Variants in DPP6 observed in about 807,000 individuals in gnomAD.
The protein encoded by DPP6 is dipeptidyl peptidase like 6.
Under a neutral mutation model 122.6 loss-of-function variants are expected in DPP6, and 69 were observed. That is an observed-to-expected ratio of 0.56 (90% CI 0.46 to 0.69). The LOEUF (loss-of-function observed/expected upper bound fraction) is 0.69. DPP6 is among the 30% of genes least tolerant of loss of function. The pLI, the probability that DPP6 is intolerant of heterozygous loss-of-function variation, is 0.00. For missense variants in DPP6, 928 were observed against 1,116.9 expected (o/e 0.83, Z 2.41); for synonymous variants, 418 against 433.1 (o/e 0.97, Z 0.43).
chr7:153,931,577 CTATT>C (rs1801171467), intron 1 of DPP6, among the ~76,000 whole-genome samples: 1 of 148,156 alleles, frequency 6.7e-6, no homozygotes, highest in Non-Finnish European at 1.5e-5. Context: ...GGGAAAAAAA[CTATT>C]TAAATTCATT....
At chr7:154,189,004 AC>A (rs1798486486) in intron 1 of DPP6, among the ~76,000 whole-genome samples, 1 of 152,220 alleles carries the variant, frequency 6.6e-6, no homozygotes. Flanking sequence ...AGGGAGAGAA[AC>A]AATAGCCTGG....
At chr7:153,960,213 C>T (rs1021866781) in intron 1 of DPP6, among the ~76,000 whole-genome samples, 2 of 152,052 alleles carry the variant, frequency 1.3e-5, no homozygotes, top group African/African-American at 4.8e-5. Flanking sequence ...AGGTTTGCCC[C>T]ACTGATTGAC....
intron 1 of DPP6, among the ~76,000 whole-genome samples, chr7:153,890,139 T>G (rs1448616575): frequency 6.6e-6 from 1 of 152,230 alleles, no homozygotes; most frequent in Non-Finnish European, 1.5e-5. Flanking sequence ...ACAGCTGAGC[T>G]GCCGCACATC....
intron 1 of DPP6, among the ~76,000 whole-genome samples, chr7:154,060,390 C>T (rs141469384): frequency 0.34 from 37,115 of 108,986 alleles, 6,550 homozygotes; most frequent in East Asian, 0.51. Flanking sequence ...CCCACTGGCT[C>T]TTAGGACCCC....
chr7:154,521,389 A>G (rs1190353873), intron 3 of DPP6, among the ~76,000 whole-genome samples: 1 of 150,260 alleles, frequency 6.7e-6, no homozygotes, highest in Admixed American at 6.6e-5. Flanking sequence ...TTCCTTAACC[A>G]TGTAGCAGGT....
At chr7:154,850,013 T>C (rs142483427) in intron 16 of DPP6, among the ~76,000 whole-genome samples, 2,210 of 152,342 alleles carry the variant, frequency 0.015, 175 homozygotes, top group Admixed American at 0.13. Context: ...GAATCCCACT[T>C]GTTTATGATG....
chr7:154,282,335 G>A lies in DPP6; in HGVS notation c.244-163879G>A, dbSNP rs1585822410. On this transcript the variant is annotated intron_variant, in intron 1 of 25. Coordinates refer to ENST00000377770, the MANE Select transcript of DPP6 (RefSeq NM_130797.4). The surrounding 1 kb of genome is among the most constrained non-coding windows in gnomAD (Gnocchi z 4.8). ...CTTCTCAGGTGGCCTCTGGATACAC[G>A]TGTCCTTTGTGGCCTACAGAAGACT... Among the ~76,000 whole-genome samples the A allele has an allele frequency of 6.6e-6, 1 of 152,122 alleles. No homozygotes were observed. Among genetic ancestry groups the A allele is most frequent in the Non-Finnish European group, 1.5e-5 (1 of 68,034 alleles).
chr7:154,557,359 A>G (rs531050203), intron 4 of DPP6, among the ~76,000 whole-genome samples: 2 of 152,166 alleles, frequency 1.3e-5, no homozygotes, highest in African/African-American at 2.4e-5. Flanking sequence ...TGTGACCCGG[A>G]CTAATTTCTA....
rs1484640485 is a variant in DPP6, at chr7:154,483,170, AC to A, written c.457+8134del. On this transcript the variant is annotated intron_variant, in intron 3 of 25. Coordinates refer to ENST00000377770, the MANE Select transcript of DPP6 (RefSeq NM_130797.4). This position sits in a 1 kb window ranked among gnomAD's most constrained non-coding sequence, Gnocchi z 8.1. ...GCAGGAGGAGAACTTCTACCACGCC[AC>A]GTCAAAGTCAAGGCAGGAGAAAATG... is the stretch of plus-strand genomic sequence containing the variant. Among the ~76,000 whole-genome samples the A allele has an allele frequency of 6.6e-6, 1 of 152,082 alleles. No homozygotes were observed. Among genetic ancestry groups the A allele is most frequent in the East Asian group, 1.9e-4 (1 of 5,166 alleles).
intron 1 of DPP6, among the ~76,000 whole-genome samples, chr7:153,964,913 C>CCTTTCTTTCTTT (rs66803093): frequency 0.1 from 11,826 of 113,232 alleles, 875 homozygotes; most frequent in Middle Eastern, 0.15. Flanking sequence ...CTTTTCTTTT[C>CCTTTCTTTCTTT]CTTTCTTTCT....
the DPP6 span, among the ~76,000 whole-genome samples, chr7:153,802,364 C>T: frequency 6.6e-6 from 1 of 152,164 alleles, no homozygotes; most frequent in Non-Finnish European, 1.5e-5. Flanking sequence ...AACGAGTCAC[C>T]TTGAGCTTTA....
At chr7:154,427,125 T>C (rs1209681103) in intron 1 of DPP6, among the ~76,000 whole-genome samples, 7 of 152,218 alleles carry the variant, frequency 4.6e-5, no homozygotes, top group Admixed American at 1.3e-4. Context: ...TATAATCACA[T>C]TTTCATTTGA....
At chr7:154,451,361 CAAA>C (rs397890050) in intron 2 of DPP6, among the ~76,000 whole-genome samples, 91 of 122,108 alleles carry the variant, frequency 7.5e-4, no homozygotes, top group South Asian at 1.1e-3. Flanking sequence ...CCTGTCTCAC[CAAA>C]AAAAAAAAAA....
chr7:154,874,442 G>A (rs62472971), intron 19 of DPP6, among the ~76,000 whole-genome samples: 25,388 of 152,120 alleles, frequency 0.17, 2,488 homozygotes, highest in East Asian at 0.54. Flanking sequence ...TGCCTTGGAG[G>A]CTGTGTCTTT....
chr7:154,543,514 T>C (rs1828897894), intron 4 of DPP6, among the ~76,000 whole-genome samples: 1 of 152,216 alleles, frequency 6.6e-6, no homozygotes, highest in African/African-American at 2.4e-5. Flanking sequence ...CAGGAAAGCT[T>C]TTAAGATAGC....
chr7:153,765,243 T>A, the DPP6 span, among the ~76,000 whole-genome samples: 1 of 152,140 alleles, frequency 6.6e-6, no homozygotes, highest in Non-Finnish European at 1.5e-5. Flanking sequence ...AGCTTTTAAC[T>A]TTTGGTGCCC....
chr7:154,019,953 T>C (rs1445465369), intron 1 of DPP6, among the ~76,000 whole-genome samples: 1 of 152,130 alleles, frequency 6.6e-6, no homozygotes, highest in African/African-American at 2.4e-5. Context: ...TGCAGGGAAC[T>C]CTTTTCCTGT....
chr7:153,984,795 A>G (rs1473947482), intron 1 of DPP6, among the ~76,000 whole-genome samples: 1 of 152,198 alleles, frequency 6.6e-6, no homozygotes, highest in African/African-American at 2.4e-5. Flanking sequence ...CTCTGATCTC[A>G]TTTTTGGCTT....
At position 153,936,529 on chromosome 7, in the gene DPP6, G is replaced by A. The variant is rs1008615239; in HGVS notation, c.51+48795G>A. ...CCACTGAAATGTGAGAGGAATAGCCGGGCGTGGTGGCTCATGCCTGTAATC... is the reference window on the plus strand; with the variant it reads ...CCACTGAAATGTGAGAGGAATAGCCAGGCGTGGTGGCTCATGCCTGTAATC... On this transcript the variant is annotated intron_variant, in intron 1 of 25. Coordinates refer to the DPP6 transcript ENST00000404039. Among the ~76,000 whole-genome samples the A allele has an allele frequency of 2.2e-4, 34 of 152,142 alleles. 1 individual carries two copies. Among genetic ancestry groups the A allele is most frequent in the Non-Finnish European group, 5.9e-5 (4 of 68,034 alleles).
Sources: allele counts gnomAD v4.1 joint callset (sites outside exome capture counted in the v4.1 genomes callset), GRCh38; gene constraint gnomAD v4.1.1; non-coding constraint Gnocchi (gnomAD v3.1); transcripts MANE v1.5; gene names NCBI Gene and HGNC (gene_info 2026-07-23, HGNC 2026-07-21).